The following FGF18 variants were observed in gnomAD, a reference collection of about 807,000 sequenced individuals.
The protein encoded by FGF18 is fibroblast growth factor 18.
In FGF18, 5 loss-of-function variants were observed where a neutral mutation model predicts 23.0. That is an observed-to-expected ratio of 0.22 (90% CI 0.11 to 0.46). The LOEUF is 0.46. Among genes scored for constraint, FGF18 ranks in the 20% least tolerant of loss-of-function variants. FGF18 has a pLI of 0.99. For synonymous variants in FGF18, 117 were observed against 118.9 expected (o/e 0.98, Z 0.10); for missense variants, 180 against 291.6 (o/e 0.62, Z 2.79).
In FGF18 at chr5:171,457,548, C is replaced by T. The variant is rs2097887887; in HGVS notation, c.*743C>T. On this transcript the variant is annotated 3_prime_UTR_variant, in exon 5 of 5. Coordinates refer to ENST00000274625, the MANE Select transcript of FGF18 (RefSeq NM_003862.3). ...TATATATAAGCTATTTATTTCACCTCTCTGTATATTGCAGTTTCATGAACC... is the reference window on the plus strand; with the variant it reads ...TATATATAAGCTATTTATTTCACCTTTCTGTATATTGCAGTTTCATGAACC... 1 of 152,010 alleles carries T rather than the reference C, an allele frequency of 6.6e-6. No individual in the cohort carries two copies. The highest frequency in any genetic ancestry group is 2.4e-5 in the African/African-American group (1 of 41,344). The allele number at this position is 152,010 out of a possible 1,614,324, so 9.4% of individuals were successfully genotyped here.
chr5:171,432,917 C>A (rs1246695757), intron 2 of FGF18, among the ~76,000 whole-genome samples: 1 of 152,230 alleles, frequency 6.6e-6, no homozygotes, highest in Non-Finnish European at 1.5e-5. Flanking sequence ...AGGGATGAAC[C>A]AGTCACACTG....
Position 171,436,280 on chromosome 5 carries a change from G to A in FGF18, c.250+7G>A. 1.9e-6 allele frequency: 3 copies of A among 1,549,378 alleles called. No individual in the cohort carries two copies. Among genetic ancestry groups the A allele is most frequent in the Non-Finnish European group, 2.6e-6 (3 of 1,143,078 alleles). ...GAGGATGGGGACAAGTATGGTATGT[G>A]CCAACCCTCTCCTCCTACTCCGTGT... is the stretch of plus-strand genomic sequence containing the variant. On this transcript the variant is annotated splice_region_variant and intron_variant, in intron 3 of 4. Transcript: ENST00000274625. The surrounding 1 kb of genome is among the most constrained non-coding windows in gnomAD (Gnocchi z 4.4).
chr5:171,423,065 G>A (rs1252319659), intron 2 of FGF18, among the ~76,000 whole-genome samples: 3 of 152,278 alleles, frequency 2.0e-5, no homozygotes, highest in South Asian at 2.1e-4. Context: ...CAGTCTTAGC[G>A]GTGGAGTTTC....
chr5:171,453,327 C>T (rs939576403), intron 4 of FGF18, among the ~76,000 whole-genome samples: 3 of 152,168 alleles, frequency 2.0e-5, no homozygotes, highest in African/African-American at 4.8e-5. Flanking sequence ...TCCCAAGATT[C>T]GTGAATTTCA....
chr5:171,423,773 CTTT>C (rs61255857), intron 2 of FGF18, among the ~76,000 whole-genome samples: 1 of 103,316 alleles, frequency 9.7e-6, no homozygotes, highest in Non-Finnish European at 1.9e-5. Context: ...GTGGATGGCA[CTTT>C]TTTTTTTTTT....
At position 171,457,153 on chromosome 5, in the gene FGF18, G is replaced by T; in HGVS notation, c.*348G>T. 19 of 139,894 alleles carry T rather than the reference G, an allele frequency of 1.4e-4. No individual in the cohort carries two copies. Among genetic ancestry groups the T allele is most frequent in the East Asian group, 3.6e-4 (2 of 5,582 alleles). 8.7% of individuals were successfully genotyped at this position (139,894 alleles called of 1,614,324 possible). On this transcript the variant is annotated 3_prime_UTR_variant, in exon 5 of 5. Transcript: ENST00000274625. The stretch of plus-strand genomic sequence containing the variant: ...CAAAGTCCTTTTTCCCAAAGGTTCT[G>T]AAAGGAAAAAAAAAAAAAACAAAAA...
At chr5:171,445,586 G>A (rs921445735) in intron 3 of FGF18, among the ~76,000 whole-genome samples, 4 of 151,680 alleles carry the variant, frequency 2.6e-5, no homozygotes, top group African/African-American at 7.3e-5. Flanking sequence ...GGCTGGTGTC[G>A]AACTCCTGAC....
intron 3 of FGF18, among the ~76,000 whole-genome samples, chr5:171,446,789 A>G (rs1003777855): frequency 1.3e-5 from 2 of 152,112 alleles, no homozygotes; most frequent in African/African-American, 2.4e-5. Context: ...ACTCAAGGTC[A>G]CATAGCCTAG....
At chr5:171,453,156 G>GT (rs1328607705) in intron 4 of FGF18, among the ~76,000 whole-genome samples, 1 of 152,170 alleles carries the variant, frequency 6.6e-6, no homozygotes, top group Non-Finnish European at 1.5e-5. Flanking sequence ...AAGCACAGGT[G>GT]TTTTTGTTTT....
Position 171,427,195 on chromosome 5 carries a change from G to A in FGF18, c.69+6752G>A, listed in dbSNP as rs78848909. 9.8e-3 allele frequency among the ~76,000 whole-genome samples: 1,456 copies of A among 148,880 alleles called. 13 individuals are homozygous for A. The highest frequency in any genetic ancestry group is 0.055 in the Middle Eastern group (16 of 290). ...GCACTCCAGCCTGGGCAAGAGCGACGCTCCATCTGGGAAAAAAAAAAAAAA... is the reference window on the plus strand; with the variant it reads ...GCACTCCAGCCTGGGCAAGAGCGACACTCCATCTGGGAAAAAAAAAAAAAA... On this transcript the variant is annotated intron_variant, in intron 2 of 4. Coordinates refer to ENST00000274625, the MANE Select transcript of FGF18 (RefSeq NM_003862.3).
At chr5:171,424,859 G>GGGGGA (rs1772067858) in intron 2 of FGF18, among the ~76,000 whole-genome samples, 1 of 151,908 alleles carries the variant, frequency 6.6e-6, no homozygotes, top group Admixed American at 6.6e-5. Flanking sequence ...GGAAGGGGGA[G>GGGGGA]GGGGAGGGGA....
chr5:171,448,052 GA>G (rs1389353266), intron 3 of FGF18, among the ~76,000 whole-genome samples: 2 of 152,228 alleles, frequency 1.3e-5, no homozygotes, highest in Admixed American at 6.5e-5. Context: ...GTACTGGGGA[GA>G]AAAATGTGGG....
At chr5:171,438,586 C>T (rs776986637) in intron 3 of FGF18, among the ~76,000 whole-genome samples, 4 of 152,056 alleles carry the variant, frequency 2.6e-5, no homozygotes, top group Non-Finnish European at 4.4e-5. Flanking sequence ...GCCAGCACCA[C>T]GCTTTCTAAG....
rs116358119 is a variant in FGF18 at position 171,456,474 on chromosome 5, G to A, written c.358-65G>A. 4.3e-4 allele frequency: 651 copies of A among 1,529,240 alleles called. 3 individuals are homozygous for A. The African/African-American group carries it at 8.3e-3, about 19-fold the overall frequency. The allele number at this position is 1,529,240 out of a possible 1,614,324, so 94.7% of individuals were successfully genotyped here. A position where few individuals can be genotyped will look rare whatever the true frequency, so the allele number is the denominator to read the frequency against. On this transcript the variant is annotated intron_variant, in intron 4 of 4. Coordinates refer to ENST00000274625, the MANE Select transcript of FGF18 (RefSeq NM_003862.3). The surrounding 1 kb of genome is among the most constrained non-coding windows in gnomAD (Gnocchi z 6.1). Reference sequence around the variant, plus strand: ...AATGGTCCTGAATAAAACCTTCCTCGCTGTGCTTTGGCAAGCATAACTGAG... The same window carrying A: ...AATGGTCCTGAATAAAACCTTCCTCACTGTGCTTTGGCAAGCATAACTGAG...
chr5:171,456,517 A>G lies in FGF18; in HGVS notation c.358-22A>G. 1 of 1,596,584 alleles carries G rather than the reference A, an allele frequency of 6.3e-7. No homozygotes were observed. Among genetic ancestry groups the G allele is most frequent in the South Asian group, 1.1e-5 (1 of 89,634 alleles). ...TAACTGAGTCATTTTTTTCTTGAAC[A>G]CTCCCCCTCTCTCCCCTGCAGCCCG... On this transcript the variant is annotated intron_variant, in intron 4 of 4. Coordinates refer to ENST00000274625, the MANE Select transcript of FGF18 (RefSeq NM_003862.3). This position sits in a 1 kb window ranked among gnomAD's most constrained non-coding sequence, Gnocchi z 6.1.
Position 171,456,772 on chromosome 5 carries a change from G to A in FGF18, c.591G>A (p.Arg197=). The A allele has an allele frequency of 6.2e-7, 1 of 1,613,904 alleles. No individual in the cohort carries two copies. ...TCAAGTACACGACGGTGACCAAGAG[G>A]TCCCGTCGGATCCGGCCCACACACC... ...KPFKYTTVTK[R]SRRIRPTHPA Residue 197 remains arginine, a synonymous_variant, in exon 5 of 5, where the codon AGG becomes AGA. Coordinates refer to ENST00000274625, the MANE Select transcript of FGF18 (RefSeq NM_003862.3). This position sits in a 1 kb window ranked among gnomAD's most constrained non-coding sequence, Gnocchi z 6.1.
At chr5:171,445,664 C>T (rs1339141189) in intron 3 of FGF18, among the ~76,000 whole-genome samples, 1 of 152,082 alleles carries the variant, frequency 6.6e-6, no homozygotes, top group Non-Finnish European at 1.5e-5. Flanking sequence ...CAGCGCCTGG[C>T]AAATTTATAT....
rs548704590 is a variant in FGF18, at chr5:171,440,078, G to A, written c.250+3805G>A. 6.6e-6 allele frequency among the ~76,000 whole-genome samples: 1 copy of A among 152,332 alleles called. No individual in the cohort carries two copies. The highest frequency in any genetic ancestry group is 2.1e-4 in the South Asian group (1 of 4,826). Reference sequence around the variant, plus strand: ...TCTCGGCTCCACCACTTTCGAGTGGGAGACCGTGGATCTGAGTTAGCCTTT... The same window carrying A: ...TCTCGGCTCCACCACTTTCGAGTGGAAGACCGTGGATCTGAGTTAGCCTTT... On this transcript the variant is annotated intron_variant, in intron 3 of 4. Coordinates refer to ENST00000274625, the MANE Select transcript of FGF18 (RefSeq NM_003862.3). The surrounding 1 kb of genome is among the most constrained non-coding windows in gnomAD (Gnocchi z 4.0).
chr5:171,444,967 T>G (rs1445353391), intron 3 of FGF18, among the ~76,000 whole-genome samples: 1 of 151,962 alleles, frequency 6.6e-6, no homozygotes, highest in Non-Finnish European at 1.5e-5. Flanking sequence ...ACAATAAAAA[T>G]AAGAGTTTCG....
Sources: allele counts gnomAD v4.1 joint callset (sites outside exome capture counted in the v4.1 genomes callset), GRCh38; gene constraint gnomAD v4.1.1; non-coding constraint Gnocchi (gnomAD v3.1); transcripts MANE v1.5; gene names NCBI Gene and HGNC (gene_info 2026-07-23, HGNC 2026-07-21).